TBXAS1: variants seen among roughly 807,000 people sequenced by gnomAD.
TBXAS1 encodes the protein thromboxane A synthase 1.
A neutral mutation model predicts 60.7 loss-of-function variants in TBXAS1; 48 were observed. That is an observed-to-expected ratio of 0.79 (90% CI 0.63 to 1.01). The LOEUF (loss-of-function observed/expected upper bound fraction) is 1.01. Ranked by LOEUF, TBXAS1 falls within the 50% of genes least tolerant of loss-of-function variation. The pLI is 0.00. For synonymous variants in TBXAS1, 287 were observed against 269.7 expected (o/e 1.06, Z -0.63); for missense variants, 685 against 686.3 (o/e 1.00, Z 0.02).
chr7:139,794,620 C>T (rs980993300), intron 4 of TBXAS1, among the ~76,000 whole-genome samples: 4 of 150,392 alleles, frequency 2.7e-5, no homozygotes, highest in Admixed American at 2.0e-4. Flanking sequence ...CCCACTAACT[C>T]GTCATCTAGC....
At chr7:139,848,982 C>A (rs1363890766) in intron 1 of TBXAS1, among the ~76,000 whole-genome samples, 2 of 151,804 alleles carry the variant, frequency 1.3e-5, no homozygotes, top group Non-Finnish European at 2.9e-5. Flanking sequence ...CAAAATAAAA[C>A]CATAACAAAA....
At chr7:139,917,216 A>G (rs1584849273) in intron 4 of TBXAS1, among the ~76,000 whole-genome samples, 1 of 152,308 alleles carries the variant, frequency 6.6e-6, no homozygotes, top group East Asian at 1.9e-4. Flanking sequence ...GAGGGCAGTG[A>G]AACCAGAAAC....
At position 140,013,084 on chromosome 7, in the gene TBXAS1, C is replaced by CAA. The variant is rs10591254; in HGVS notation, c.1227-2623_1227-2622dup. On this transcript the variant is annotated intron_variant, in intron 10 of 12. Transcript: ENST00000448866. This position sits in a 1 kb window ranked among gnomAD's most constrained non-coding sequence, Gnocchi z 4.2. ...TGGGCAACAGAGCGAGACTCCATCT[C>CAA]AAAAAAAAAAAAAAAAAGAAATTGG... is the stretch of plus-strand genomic sequence containing the variant. Among the ~76,000 whole-genome samples the CAA allele has an allele frequency of 2.6e-5, 3 of 114,596 alleles. No individual in the cohort carries two copies. Among genetic ancestry groups the CAA allele is most frequent in the Non-Finnish European group, 4.0e-5 (2 of 50,400 alleles). The allele number at this position is 114,596 out of a possible 152,430, so 75.2% of individuals were successfully genotyped here.
At chr7:139,870,117 C>T (rs905496377) in intron 1 of TBXAS1, among the ~76,000 whole-genome samples, 1 of 152,164 alleles carries the variant, frequency 6.6e-6, no homozygotes, top group Non-Finnish European at 1.5e-5. Context: ...GTCGAGGCTG[C>T]AAAGGGAAGT....
intron 3 of TBXAS1, among the ~76,000 whole-genome samples, chr7:139,898,612 G>A (rs2116976041): frequency 6.6e-6 from 1 of 152,010 alleles, no homozygotes; most frequent in South Asian, 2.1e-4. Context: ...CGCCCGGCCT[G>A]TGCATGCCTT....
At chr7:140,000,301 A>T (rs1484251713) in intron 9 of TBXAS1, among the ~76,000 whole-genome samples, 1 of 152,116 alleles carries the variant, frequency 6.6e-6, no homozygotes, top group East Asian at 1.9e-4. Context: ...GGAGTTCAAC[A>T]CAAGCCTGGG....
At chr7:140,017,044 C>G (rs190815607) in intron 11 of TBXAS1, among the ~76,000 whole-genome samples, 183 of 152,364 alleles carry the variant, frequency 1.2e-3, no homozygotes, top group African/African-American at 4.1e-3. Context: ...GGCAAATGCA[C>G]TACTTGGTAG....
intron 9 of TBXAS1, 135 bp from the exon 10 acceptor site, chr7:140,006,956 G>A (rs1455381354): frequency 1.0e-5 from 9 of 880,594 alleles, no homozygotes; most frequent in East Asian, 7.3e-5. Flanking sequence ...GGGTCATACC[G>A]ACTTTCCATT....
intron 4 of TBXAS1, among the ~76,000 whole-genome samples, chr7:139,822,159 G>A (rs956822757): frequency 1.3e-5 from 2 of 152,190 alleles, no homozygotes; most frequent in Non-Finnish European, 2.9e-5. Context: ...GGAAGGGGTA[G>A]GATTTGAACA....
At chr7:139,983,192 C>A (rs1812088296) in intron 9 of TBXAS1, among the ~76,000 whole-genome samples, 1 of 152,202 alleles carries the variant, frequency 6.6e-6, no homozygotes, top group Non-Finnish European at 1.5e-5. Context: ...ACCCTCTGAT[C>A]TTTGGCATCT....
chr7:139,857,821 C>G (rs920086056), intron 1 of TBXAS1, among the ~76,000 whole-genome samples: 1 of 151,436 alleles, frequency 6.6e-6, no homozygotes, highest in African/African-American at 2.4e-5. Flanking sequence ...GCCTCTAATT[C>G]CTGGGCTCAA....
rs570859886 is a variant in TBXAS1, at chr7:139,906,549, G to T, written c.237-4676G>T. On this transcript the variant is annotated intron_variant, in intron 3 of 12. Coordinates refer to ENST00000448866, the MANE Select transcript of TBXAS1 (RefSeq NM_001061.7). ...GACTACAGCCAAGTTTTGGGATCTCGTAGACTGATTCCTCCCACTTTATTC... is the reference window on the plus strand; with the variant it reads ...GACTACAGCCAAGTTTTGGGATCTCTTAGACTGATTCCTCCCACTTTATTC... Among the ~76,000 whole-genome samples, 31 of 152,184 alleles carry T rather than the reference G, an allele frequency of 2.0e-4. 1 individual carries two copies. The South Asian group carries it at 4.4e-3, about 21-fold the overall frequency.
intron 5 of TBXAS1, chr7:139,952,404 G>C: frequency 9.6e-7 from 1 of 1,037,940 alleles, no homozygotes; most frequent in Non-Finnish European, 1.3e-6. Flanking sequence ...CAATATTCTA[G>C]TGTGAAAATC....
chr7:139,917,232 T>G (rs565681941), intron 4 of TBXAS1, among the ~76,000 whole-genome samples: 2 of 152,156 alleles, frequency 1.3e-5, no homozygotes, highest in African/African-American at 4.8e-5. Context: ...GAAACACAGG[T>G]GTGCAACCTC....
intron 4 of TBXAS1, among the ~76,000 whole-genome samples, chr7:139,925,572 A>C (rs1806814242): frequency 6.6e-6 from 1 of 152,206 alleles, no homozygotes; most frequent in Non-Finnish European, 1.5e-5. Context: ...TCTAAATGTA[A>C]GATCATATCA....
intron 2 of TBXAS1, among the ~76,000 whole-genome samples, chr7:139,873,013 A>C (rs1270345536): frequency 6.6e-6 from 1 of 152,170 alleles, no homozygotes; most frequent in East Asian, 1.9e-4. Flanking sequence ...CCCTAGCACT[A>C]AATAGGGTGG....
Position 139,911,235 on chromosome 7 carries a change from G to T in TBXAS1, c.247G>T (p.Gly83Cys). The T allele has an allele frequency of 6.2e-7, 1 of 1,614,068 alleles. No individual in the cohort carries two copies. The highest frequency in any genetic ancestry group is 8.5e-7 in the Non-Finnish European group (1 of 1,180,004). ...TTTTATTCCTCCCAGGTACTATCTT[G>T]GTCGTCGGATGTTTATTGTTATTTC... is the stretch of plus-strand genomic sequence containing the variant. ...LYGPLCGYYL[G>C]RRMFIVISEP... is the part of the protein sequence containing the mutation. The change falls in exon 4 of 13, where the codon GGT becomes TGT. Residue 83 changes from glycine to cysteine, a missense_variant. Coordinates refer to ENST00000448866, the MANE Select transcript of TBXAS1 (RefSeq NM_001061.7).
At chr7:140,010,003 G>A (rs1386188990) in intron 10 of TBXAS1, among the ~76,000 whole-genome samples, 14 of 52,694 alleles carry the variant, frequency 2.7e-4, no homozygotes, top group Non-Finnish European at 3.9e-4. Context: ...CTCCACACCC[G>A]CTTCACACCC....
chr7:140,020,031 C>T lies in TBXAS1; in HGVS notation c.1534C>T (p.Leu512=), dbSNP rs754711666. 61 of 1,613,690 alleles carry T rather than the reference C, an allele frequency of 3.8e-5. No individual in the cohort carries two copies. Among genetic ancestry groups the T allele is most frequent in the Middle Eastern group, 1.6e-4 (1 of 6,082 alleles). The change falls in exon 13 of 13, where the codon CTG becomes TTG. Residue 512 remains leucine, a synonymous_variant. Transcript: ENST00000448866. ...TTAATTTTCTCTATTTTAGGTACCG[C>T]TGCAGCTAGAATCCAAATCTGCCCT... is the stretch of plus-strand genomic sequence containing the variant. ...FQACPETQVP[L]QLESKSALGP...
Sources: allele counts gnomAD v4.1 joint callset (sites outside exome capture counted in the v4.1 genomes callset), GRCh38; gene constraint gnomAD v4.1.1; non-coding constraint Gnocchi (gnomAD v3.1); transcripts MANE v1.5; gene names NCBI Gene and HGNC (gene_info 2026-07-23, HGNC 2026-07-21).